Variants in TENM3 observed in about 807,000 individuals in gnomAD.
TENM3 encodes the protein teneurin-3.
Under a neutral mutation model 255.1 loss-of-function variants are expected in TENM3, and 63 were observed. The ratio of observed to expected loss-of-function variants is 0.25; its 90% CI spans 0.20 to 0.30. TENM3 has a LOEUF of 0.30. Ranked by LOEUF, TENM3 falls within the 10% of genes least tolerant of loss-of-function variation. The pLI is 1.00. For synonymous variants in TENM3, 1,306 were observed against 1,322.3 expected, an observed-to-expected ratio of 0.99 and a Z score of 0.27; for missense variants, 2,929 against 3,461.1, an observed-to-expected ratio of 0.85 and a Z score of 3.86.
At chr4:182,665,350 T>A (rs539808644) in intron 6 of TENM3, among the ~76,000 whole-genome samples, 1 of 152,330 alleles carries the variant, frequency 6.6e-6, no homozygotes, top group African/African-American at 2.4e-5. Context: ...AGAAAAAGAT[T>A]GCTTTCAAAA....
chr4:182,169,884 T>C, intron 1 of TENM3, among the ~76,000 whole-genome samples: 1 of 152,036 alleles, frequency 6.6e-6, no homozygotes. Context: ...GACAGTGTTT[T>C]TGTAATTTAA....
chr4:181,475,248 A>G, the TENM3 span, among the ~76,000 whole-genome samples: 1 of 152,152 alleles, frequency 6.6e-6, no homozygotes, highest in Admixed American at 6.5e-5. Context: ...GCCCCTATAG[A>G]CCACTAGGAC....
At chr4:181,760,034 A>C in the TENM3 span, among the ~76,000 whole-genome samples, 4 of 152,222 alleles carry the variant, frequency 2.6e-5, no homozygotes, top group Admixed American at 1.3e-4. Context: ...CCTACAGAGA[A>C]TATATGCACT....
the TENM3 span, among the ~76,000 whole-genome samples, chr4:182,022,859 T>C: frequency 1.3e-5 from 2 of 152,114 alleles, no homozygotes; most frequent in Admixed American, 1.3e-4. Flanking sequence ...TAACAGTAAT[T>C]ATAATCCACC....
intron 3 of TENM3, among the ~76,000 whole-genome samples, chr4:182,517,577 G>T (rs981180013): frequency 1.4e-5 from 2 of 139,260 alleles, no homozygotes; most frequent in Admixed American, 1.4e-4. Context: ...TAGAGACGGG[G>T]TTTCACCGTG....
the TENM3 span, among the ~76,000 whole-genome samples, chr4:181,648,787 G>A: frequency 4.5e-4 from 69 of 152,228 alleles, no homozygotes; most frequent in African/African-American, 1.6e-3. Context: ...TAACCTCTGG[G>A]TGTGTTACCA....
intron 22 of TENM3, among the ~76,000 whole-genome samples, chr4:182,770,469 C>G (rs956496325): frequency 6.6e-6 from 1 of 152,196 alleles, no homozygotes; most frequent in African/African-American, 2.4e-5. Flanking sequence ...GCCCTCCCAG[C>G]CCCACCCGGG....
In TENM3 at chr4:182,792,678, G is replaced by A. The variant is rs765170793; in HGVS notation, c.6006G>A (p.Arg2002=). Residue 2002 remains arginine, a synonymous_variant, in exon 26 of 28, where the codon AGG becomes AGA. Transcript: ENST00000511685. This position sits in a 1 kb window ranked among gnomAD's most constrained non-coding sequence, Gnocchi z 6.3. ...RYRQIGPLID[R]QIFRFSEDGM... ...GGCAAATTGGTCCCCTGATTGACAG[G>A]CAGATTTTCCGCTTTAGTGAAGATG... The A allele has an allele frequency of 2.5e-6, 4 of 1,613,796 alleles. No individual in the cohort carries two copies. Among genetic ancestry groups the A allele is most frequent in the East Asian group, 4.5e-5 (2 of 44,884 alleles).
the TENM3 span, among the ~76,000 whole-genome samples, chr4:181,676,621 A>C: frequency 1.3e-5 from 2 of 151,940 alleles, no homozygotes; most frequent in Non-Finnish European, 2.9e-5. Context: ...TCATATCTTC[A>C]TTACTAAAAT....
At chr4:181,749,112 C>T in the TENM3 span, among the ~76,000 whole-genome samples, 2 of 151,904 alleles carry the variant, frequency 1.3e-5, no homozygotes, top group African/African-American at 4.8e-5. Context: ...AAGATTGTTC[C>T]AGAGGAGATT....
chr4:182,746,607 G>A (rs758865531), intron 19 of TENM3, among the ~76,000 whole-genome samples: 17 of 152,168 alleles, frequency 1.1e-4, no homozygotes, highest in Non-Finnish European at 1.5e-5. Flanking sequence ...CCCATTTTAG[G>A]ATCCTGAACA....
At chr4:181,912,994 G>C in the TENM3 span, among the ~76,000 whole-genome samples, 1 of 152,062 alleles carries the variant, frequency 6.6e-6, no homozygotes, top group Non-Finnish European at 1.5e-5. Context: ...ATAAGTGAAG[G>C]CTCTAAAGCA....
the TENM3 span, among the ~76,000 whole-genome samples, chr4:181,560,819 A>T: frequency 1.3e-5 from 2 of 152,202 alleles, no homozygotes; most frequent in Non-Finnish European, 1.5e-5. Context: ...AACAGACAGC[A>T]GCTCTTTCTC....
intron 1 of TENM3, among the ~76,000 whole-genome samples, chr4:182,192,045 T>C (rs1409363512): frequency 6.6e-6 from 1 of 152,208 alleles, no homozygotes; most frequent in African/African-American, 2.4e-5. Flanking sequence ...GAATGATTTT[T>C]ACACTTTTAA....
At chr4:181,638,165 C>T in the TENM3 span, among the ~76,000 whole-genome samples, 1 of 152,196 alleles carries the variant, frequency 6.6e-6, no homozygotes, top group Non-Finnish European at 1.5e-5. Flanking sequence ...TATCATTCTA[C>T]TTAAACTGGT....
At chr4:181,678,695 T>C in the TENM3 span, among the ~76,000 whole-genome samples, 7 of 152,054 alleles carry the variant, frequency 4.6e-5, no homozygotes, top group Admixed American at 3.9e-4. Context: ...TTACCAAAAT[T>C]ATTTGTTAGG....
chr4:182,415,937 T>C (rs544187837), intron 3 of TENM3, among the ~76,000 whole-genome samples: 1 of 150,102 alleles, frequency 6.7e-6, no homozygotes, highest in South Asian at 2.3e-4. Flanking sequence ...CTGAGACACC[T>C]TATAATAAAT....
intron 3 of TENM3, among the ~76,000 whole-genome samples, chr4:182,357,820 A>G (rs1765667628): frequency 6.6e-6 from 1 of 151,380 alleles, no homozygotes; most frequent in Admixed American, 6.6e-5. Flanking sequence ...GGTAATGCCT[A>G]GGTTTTCTTC....
At chr4:182,731,694 GGTGT>G (rs70956536) in intron 16 of TENM3, among the ~76,000 whole-genome samples, 4,698 of 124,634 alleles carry the variant, frequency 0.038, 101 homozygotes, top group East Asian at 0.068. Flanking sequence ...TGGGTGTTGG[GGTGT>G]GTGTGTGTGT....
Sources: gnomAD v4.1 joint callset for allele counts (sites outside exome capture counted in the v4.1 genomes callset) on GRCh38, gnomAD v4.1.1 for gene constraint, Gnocchi (gnomAD v3.1) non-coding constraint, MANE v1.5 for transcripts, NCBI Gene and HGNC (gene_info 2026-07-23, HGNC 2026-07-21) for gene names.